Variants in EHBP1L1 observed in about 807,000 individuals in gnomAD.
EHBP1L1 encodes EH domain binding protein 1 like 1.
EHBP1L1 carries 122 observed loss-of-function variants against 151.1 expected under a neutral mutation model. That is an observed-to-expected ratio of 0.81 (90% CI 0.70 to 0.94). The LOEUF is 0.94. EHBP1L1 is among the 40% of genes least tolerant of loss of function. EHBP1L1 has a pLI of 0.00. For missense variants in EHBP1L1, 1,941 were observed against 1,959.8 expected (o/e 0.99, Z 0.18); for synonymous variants, 878 against 810.1 (o/e 1.08, Z -1.42).
At chr11:65,588,475 A>G (rs1359969702) in intron 12 of EHBP1L1, among the ~76,000 whole-genome samples, 1 of 152,174 alleles carries the variant, frequency 6.6e-6, no homozygotes, top group East Asian at 1.9e-4. Context: ...GTCAGCAGGC[A>G]GGCCATGGTG....
chr11:65,582,157 C>G lies in EHBP1L1; in HGVS notation c.1485C>G (p.Leu495=). The G allele has an allele frequency of 6.3e-7, 1 of 1,583,302 alleles. No homozygotes were observed. The highest frequency in any genetic ancestry group is 1.1e-5 in the South Asian group (1 of 87,192). ...GGCACTCTGGGCAACTTGGTGACCTCGAGGGGGCCAGGGCTGCTGCAGGCC... is the reference window on the plus strand; with the variant it reads ...GGCACTCTGGGCAACTTGGTGACCTGGAGGGGGCCAGGGCTGCTGCAGGCC... ...PAGHSGQLGD[L]EGARAAAGQE... is the part of the protein sequence containing the mutation. Residue 495 remains leucine, a synonymous_variant, in exon 9 of 19, where the codon CTC becomes CTG. Transcript: ENST00000309295.
chr11:65,576,350 C>T lies in EHBP1L1; in HGVS notation c.48C>T (p.Ala16=), dbSNP rs778611071. 4 of 1,599,996 alleles carry T rather than the reference C, an allele frequency of 2.5e-6. No individual in the cohort carries two copies. In the African/African-American group the frequency reaches 4.0e-5, roughly 16 times the overall value. The change falls in exon 1 of 19, where the codon GCC becomes GCT. Residue 16 remains alanine, a synonymous_variant. Transcript: ENST00000309295. ...TGCAGCGCGTGGGCAAGCGGGCGGC[C>T]AAGTTCCAGTTCGTGGCCTGTTACC... is the stretch of plus-strand genomic sequence containing the variant. ...KRLQRVGKRA[A]KFQFVACYHE...
intron 3 of EHBP1L1, 107 bp from the exon 4 acceptor site, chr11:65,579,826 CAAA>C (rs558637567): frequency 8.9e-4 from 799 of 894,950 alleles, no homozygotes; most frequent in South Asian, 1.5e-3. Flanking sequence ...GACTCCGTCT[CAAA>C]AAAAAAAAAA....
rs772963214 is a variant in EHBP1L1, at chr11:65,582,546, C to T, written c.1874C>T (p.Thr625Ile). The change falls in exon 9 of 19, where the codon ACA (threonine) becomes ATA (isoleucine). Residue 625 changes from threonine (T) to isoleucine (I), a missense_variant. By Grantham distance (89) the Thr-to-Ile change is moderately conservative. Coordinates refer to ENST00000309295, the MANE Select transcript of EHBP1L1 (RefSeq NM_001099409.3). The part of the protein sequence containing the change: ...SRVLESEVAG[T>I]AQCEGLETQE... ...GTCCTGGAGTCAGAGGTTGCTGGGA[C>T]AGCACAGTGTGAGGGACTGGAGACC... 1 of 1,613,378 alleles carries T rather than the reference C, an allele frequency of 6.2e-7. No homozygotes were observed. The highest frequency in any genetic ancestry group is 8.5e-7 in the Non-Finnish European group (1 of 1,179,834).
chr11:65,576,469 G>T (rs1857330626), intron 1 of EHBP1L1, 63 bp downstream of exon 1: 2 of 1,447,270 alleles, frequency 1.4e-6, no homozygotes, highest in Admixed American at 4.2e-5. Context: ...GGCCCTTTGA[G>T]CCTGAGAGGA....
At chr11:65,591,042 A>G (rs1012958040) in intron 16 of EHBP1L1, among the ~76,000 whole-genome samples, 3 of 152,054 alleles carry the variant, frequency 2.0e-5, no homozygotes, top group East Asian at 1.9e-4. Flanking sequence ...AAAAATAAAA[A>G]TTAAAACAAA....
At chr11:65,577,037 G>T (rs1857363758) in intron 1 of EHBP1L1, among the ~76,000 whole-genome samples, 1 of 152,240 alleles carries the variant, frequency 6.6e-6, no homozygotes, top group Admixed American at 6.5e-5. Context: ...GGAGAGGGTT[G>T]CGGAGGGCAA....
rs1151503 is a variant in EHBP1L1 at position 65,590,226 on chromosome 11, A to G, written c.4183+16A>G. ...ATGGAGTCAGGTGGGGCATACATCT[A>G]GGGATCCCTTCCCCAACACATGCCA... On this transcript the variant is annotated intron_variant, in intron 15 of 18. Transcript: ENST00000309295. 0.78 allele frequency: 1,262,774 copies of G among 1,611,002 alleles called. 496,904 individuals are homozygous for G. The highest frequency in any genetic ancestry group is 0.95 in the East Asian group (42,536 of 44,824).
At chr11:65,579,806 G>A (rs546666585) in intron 3 of EHBP1L1, 130 bp from the exon 4 acceptor site, 84 of 963,380 alleles carry the variant, frequency 8.7e-5, no homozygotes, top group Non-Finnish European at 1.2e-4. Context: ...CAGCCTCGAC[G>A]ACAGAGGAAG....
At chr11:65,579,487 C>T (rs1010957029) in intron 3 of EHBP1L1, 51 bp downstream of exon 3, 28 of 1,341,490 alleles carry the variant, frequency 2.1e-5, no homozygotes, top group Admixed American at 2.9e-5. Context: ...CAGGCAGTTG[C>T]AACAATTGCA....
At chr11:65,588,801 C>T (rs1472790179) in intron 12 of EHBP1L1, among the ~76,000 whole-genome samples, 3 of 152,244 alleles carry the variant, frequency 2.0e-5, no homozygotes, top group Non-Finnish European at 4.4e-5. Context: ...AAAGATCCAG[C>T]CAGCCTGGCT....
At chr11:65,587,180 C>T (rs956784517) in intron 12 of EHBP1L1, among the ~76,000 whole-genome samples, 2 of 152,208 alleles carry the variant, frequency 1.3e-5, no homozygotes, top group African/African-American at 2.4e-5. Context: ...CAAGACCATC[C>T]TGGCCAACAT....
intron 12 of EHBP1L1, among the ~76,000 whole-genome samples, chr11:65,586,679 G>A (rs11227229): frequency 0.45 from 68,554 of 152,092 alleles, 16,190 homozygotes; most frequent in South Asian, 0.52. Context: ...AGTCCTGGGT[G>A]TAGGGTCAGA....
At chr11:65,589,499 G>T (rs1284989898) in intron 12 of EHBP1L1, among the ~76,000 whole-genome samples, 2 of 152,170 alleles carry the variant, frequency 1.3e-5, no homozygotes, top group Non-Finnish European at 2.9e-5. Context: ...GAGGCTCGGA[G>T]CCTGGGTGTG....
chr11:65,580,443 G>A lies in EHBP1L1; in HGVS notation c.598G>A (p.Gly200Arg). ...TGATGAAGATGAGGCTCATGGCCCA[G>A]GAGCCCCGGAGGCCCGGGCTCGAGT... Reference protein sequence around the residue: ...ESDEDEAHGPGAPEARARVPQ... With the variant: ...ESDEDEAHGPRAPEARARVPQ... The change falls in exon 6 of 19, where the codon GGA becomes AGA. Residue 200 changes from glycine to arginine, a missense_variant. Coordinates refer to ENST00000309295, the MANE Select transcript of EHBP1L1 (RefSeq NM_001099409.3). The A allele has an allele frequency of 6.2e-7, 1 of 1,613,454 alleles. No homozygotes were observed. Among genetic ancestry groups the A allele is most frequent in the South Asian group, 1.1e-5 (1 of 91,072 alleles).
intron 12 of EHBP1L1, among the ~76,000 whole-genome samples, chr11:65,587,667 C>T (rs1858043682): frequency 6.6e-6 from 1 of 152,244 alleles, no homozygotes; most frequent in African/African-American, 2.4e-5. Flanking sequence ...CCAGGTCACA[C>T]AGGGCTGGGC....
chr11:65,580,545 C>A (rs1857548287), intron 6 of EHBP1L1, 66 bp downstream of exon 6: 1 of 1,565,946 alleles, frequency 6.4e-7, no homozygotes. Context: ...ACCCGGGCCA[C>A]CAGCCACTTG....
In EHBP1L1 at chr11:65,583,791, C is replaced by T. The variant is rs1288920740; in HGVS notation, c.3093+26C>T. On this transcript the variant is annotated intron_variant, in intron 9 of 18. Coordinates refer to ENST00000309295, the MANE Select transcript of EHBP1L1 (RefSeq NM_001099409.3). ...GTAGGGATGGGGGCCGCCGAGGGCC[C>T]AGTCTGCTGCTTCCCACTAACCTGG... 3.4e-6 allele frequency: 5 copies of T among 1,453,804 alleles called. No homozygotes were observed. The South Asian group carries it at 7.2e-5, about 21-fold the overall frequency. The allele number at this position is 1,453,804 out of a possible 1,614,324, so 90.1% of individuals were successfully genotyped here. A position where few individuals can be genotyped will look rare whatever the true frequency, so the allele number is the denominator to read the frequency against.
rs1858221585 is a variant in EHBP1L1, at chr11:65,590,604, C to A, written c.4283+12C>A. The A allele has an allele frequency of 6.2e-7, 1 of 1,611,794 alleles. No individual in the cohort carries two copies. Among genetic ancestry groups the A allele is most frequent in the Non-Finnish European group, 8.5e-7 (1 of 1,178,950 alleles). On this transcript the variant is annotated intron_variant, in intron 16 of 18. Transcript: ENST00000309295. Reference sequence around the variant, plus strand: ...CAGCTGCAGCTGCTGTGAGTGCTGGCCCCGGGCCAGGAGAGCAGAGGGACT... The same window carrying A: ...CAGCTGCAGCTGCTGTGAGTGCTGGACCCGGGCCAGGAGAGCAGAGGGACT...
Sources: allele counts gnomAD v4.1 joint callset (sites outside exome capture counted in the v4.1 genomes callset), GRCh38; gene constraint gnomAD v4.1.1; transcripts MANE v1.5; gene names NCBI Gene and HGNC (gene_info 2026-07-23, HGNC 2026-07-21).